Variants in DYSF observed in about 807,000 individuals in gnomAD.
DYSF encodes the protein dysferlin.
DYSF carries 212 observed loss-of-function variants against 274.9 expected under a neutral mutation model. The observed-to-expected ratio is 0.77, with a 90% CI of 0.69 to 0.86. The LOEUF is 0.86. Among genes scored for constraint, DYSF ranks in the 40% least tolerant of loss-of-function variants. The probability of loss-of-function intolerance (pLI) is 0.00; values close to 1 mark genes in which losing one functional copy is unlikely to be tolerated. For missense variants in DYSF, 2,666 were observed against 2,783.2 expected (o/e 0.96, Z 0.95); for synonymous variants, 1,091 against 1,078.7 (o/e 1.01, Z -0.22).
intron 30 of DYSF, among the ~76,000 whole-genome samples, chr2:71,581,372 G>A (rs1324089215): frequency 6.6e-6 from 1 of 152,168 alleles, no homozygotes; most frequent in Non-Finnish European, 1.5e-5. Flanking sequence ...TTGCACTCTC[G>A]CCTGCTATTC....
chr2:71,465,489 G>T (rs1269562773), upstream of DYSF, among the ~76,000 whole-genome samples: 2 of 152,140 alleles, frequency 1.3e-5, no homozygotes, highest in African/African-American at 4.8e-5. Flanking sequence ...AGCAGTGAGG[G>T]CTCGCTTGAG....
intron 17 of DYSF, chr2:71,549,247 C>T: frequency 3.5e-6 from 4 of 1,142,982 alleles, no homozygotes; most frequent in Non-Finnish European, 5.2e-6. Context: ...GCTGTCTTTC[C>T]ATCTGTCTGC....
At position 71,613,360 on chromosome 2, in the gene DYSF, G is replaced by T. The variant is rs576130413; in HGVS notation, c.4414G>T (p.Glu1472Ter). 1.2e-6 allele frequency: 2 copies of T among 1,613,540 alleles called. No individual in the cohort carries two copies. The highest frequency in any genetic ancestry group is 3.3e-5 in the Admixed American group (2 of 59,984). Residue 1472 changes from glutamate to a stop codon, truncating the protein, a stop_gained, in exon 40 of 56, where the codon GAA (glutamate) becomes TAA (stop). Transcript: ENST00000410020. LOFTEE classifies it high-confidence loss of function. ...CGATGTGAGCCTACTCAGTCCTGGGGAAGACGTGCTCATCGACATTGATGA... is the reference window on the plus strand; with the variant it reads ...CGATGTGAGCCTACTCAGTCCTGGGTAAGACGTGCTCATCGACATTGATGA... ...PDDVSLLSPG[E>*]DVLIDIDDKE... is the part of the protein sequence containing the mutation.
chr2:71,454,169 T>C, intron 1 of DYSF: 1 of 1,346,818 alleles, frequency 7.4e-7, no homozygotes, highest in Middle Eastern at 1.8e-4. Context: ...GGAGAGCACC[T>C]AGAGCTGAGA....
At chr2:71,541,017 G>T (rs530650182) in intron 17 of DYSF, among the ~76,000 whole-genome samples, 11 of 152,172 alleles carry the variant, frequency 7.2e-5, no homozygotes, top group East Asian at 3.9e-4. Flanking sequence ...CCTATATTTC[G>T]AAATGCTGCC....
intron 29 of DYSF, among the ~76,000 whole-genome samples, chr2:71,571,709 C>T (rs2092471077): frequency 7.7e-6 from 1 of 130,354 alleles, no homozygotes; most frequent in Non-Finnish European, 1.6e-5. Flanking sequence ...AGATCACAGT[C>T]AGCACACACA....
chr2:71,618,583 T>TTGTGTTTGTGTGGGGTAGAGTTG (rs2093999968), intron 40 of DYSF, among the ~76,000 whole-genome samples: 1 of 46,722 alleles, frequency 2.1e-5, no homozygotes, highest in Non-Finnish European at 5.4e-5. Flanking sequence ...TGGGGTAGAG[T>TTGTGTTTGTGTGGGGTAGAGTTG]TGTGTGTGTG....
chr2:71,585,370 C>T (rs1394304366), intron 30 of DYSF, among the ~76,000 whole-genome samples: 1 of 152,152 alleles, frequency 6.6e-6, no homozygotes, highest in East Asian at 1.9e-4. Flanking sequence ...GCCCCGTGAG[C>T]AGCAGTAGCC....
Position 71,511,803 on chromosome 2 carries a change from C to T in DYSF, c.346-4C>T. The T allele has an allele frequency of 6.5e-7, 1 of 1,545,282 alleles. No individual in the cohort carries two copies. Among genetic ancestry groups the T allele is most frequent in the South Asian group, 1.2e-5 (1 of 83,950 alleles). ...ACCTGTCCCCCACGTCTCATCTCTTCCAGGCCTCGCTGGTCCTGCAGGTGT... is the reference window on the plus strand; with the variant it reads ...ACCTGTCCCCCACGTCTCATCTCTTTCAGGCCTCGCTGGTCCTGCAGGTGT... On this transcript the variant is annotated splice_polypyrimidine_tract_variant and splice_region_variant and intron_variant, in intron 4 of 55. Coordinates refer to ENST00000410020, the MANE Select transcript of DYSF (RefSeq NM_001130987.2).
intron 14 of DYSF, among the ~76,000 whole-genome samples, chr2:71,531,467 G>C (rs2088692957): frequency 6.6e-6 from 1 of 151,866 alleles, no homozygotes; most frequent in Non-Finnish European, 1.5e-5. Context: ...GTGACTCTCT[G>C]CCTCCCCGCT....
chr2:71,683,927 T>TC (rs11398092), intron 55 of DYSF, among the ~76,000 whole-genome samples: 135,612 of 152,290 alleles, frequency 0.89, 60,495 homozygotes, highest in African/African-American at 0.92. Context: ...TCCATGCAGT[T>TC]CTAACAGCTG....
At chr2:71,616,798 C>T (rs1385882674) in intron 40 of DYSF, among the ~76,000 whole-genome samples, 1 of 152,128 alleles carries the variant, frequency 6.6e-6, no homozygotes, top group Non-Finnish European at 1.5e-5. Context: ...ATGCACTGCA[C>T]CCAACATTTC....
In DYSF at chr2:71,611,302, G is replaced by C; in HGVS notation, c.4015G>C (p.Val1339Leu). ...PPQREANIYM[V>L]PQNIKPALQR... ...CCAGAGGGAGGCCAACATCTACATG[G>C]TTCCTCAGAACATCAAGCCAGCGCT... Residue 1339 changes from valine (V) to leucine (L), a missense_variant, in exon 37 of 56, where the codon GTT (valine) becomes CTT (leucine). Physicochemically the swap from Val to Leu is conservative, Grantham distance 32. This residue lies in a region of DYSF where 1,460 missense variants were observed against 1,502.1 expected (regional missense o/e 0.97). Coordinates refer to ENST00000410020, the MANE Select transcript of DYSF (RefSeq NM_001130987.2). The C allele has an allele frequency of 1.9e-6, 3 of 1,614,022 alleles. No homozygotes were observed. The highest frequency in any genetic ancestry group is 2.5e-6 in the Non-Finnish European group (3 of 1,179,906).
chr2:71,604,168 G>A (rs1372604289), intron 36 of DYSF, among the ~76,000 whole-genome samples: 1 of 152,114 alleles, frequency 6.6e-6, no homozygotes. Flanking sequence ...CTGGTCCAGG[G>A]ACCAGCCCCA....
At chr2:71,570,182 A>G (rs1559183177) in intron 27 of DYSF, 47 bp from the exon 28 acceptor site, 1 of 1,549,664 alleles carries the variant, frequency 6.5e-7, no homozygotes, top group Non-Finnish European at 8.9e-7. Context: ...CCCTGCTCAC[A>G]TCTGTCTGTC....
At chr2:71,608,039 AAGG>A (rs145255762) in intron 36 of DYSF, among the ~76,000 whole-genome samples, 1 of 152,074 alleles carries the variant, frequency 6.6e-6, no homozygotes, top group East Asian at 1.9e-4. Flanking sequence ...ACTGTTTGGG[AAGG>A]AGATGAGGTT....
intron 42 of DYSF, among the ~76,000 whole-genome samples, chr2:71,649,137 C>CA (rs376775027): frequency 0.65 from 58,055 of 89,524 alleles, 18,932 homozygotes; most frequent in Non-Finnish European, 0.74. Flanking sequence ...ACTTTGTCTC[C>CA]AAAAAAAAAA....
At chr2:71,482,198 G>C (rs2152683116) in intron 3 of DYSF, among the ~76,000 whole-genome samples, 1 of 152,278 alleles carries the variant, frequency 6.6e-6, no homozygotes, top group Admixed American at 6.5e-5. Flanking sequence ...AGGGAAGATG[G>C]GCTGGAATCA....
chr2:71,613,311 C>T, intron 39 of DYSF, 23 bp from the exon 40 acceptor site: 2 of 1,604,644 alleles, frequency 1.2e-6, no homozygotes, highest in Non-Finnish European at 1.7e-6. Context: ...CCTCTCAGGC[C>T]TGGATGGCTC....
Sources: gnomAD v4.1 joint callset for allele counts (sites outside exome capture counted in the v4.1 genomes callset) on GRCh38, gnomAD v4.1.1 for gene constraint, gnomAD v4.1.1 regional missense constraint, MANE v1.5 for transcripts, NCBI Gene and HGNC (gene_info 2026-07-23, HGNC 2026-07-21) for gene names.